POLR1E: variants seen among roughly 807,000 people sequenced by gnomAD.
The protein encoded by POLR1E is RNA polymerase I subunit E.
Under a neutral mutation model 50.9 loss-of-function variants are expected in POLR1E, and 37 were observed. The ratio of observed to expected loss-of-function variants is 0.73; its 90% CI spans 0.56 to 0.96. The LOEUF is 0.96. POLR1E is among the 40% of genes least tolerant of loss of function. The pLI is 0.00. For synonymous variants in POLR1E, 166 were observed against 191.6 expected (o/e 0.87, Z 1.10); for missense variants, 426 against 518.1 (o/e 0.82, Z 1.73).
intron 10 of POLR1E, 28 bp downstream of exon 10, chr9:37,500,949 T>C (rs1588807676): frequency 2.5e-6 from 4 of 1,581,774 alleles, no homozygotes; most frequent in Non-Finnish European, 3.5e-6. Context: ...GGGATTTTTC[T>C]TGTGCAGGAG....
chr9:37,491,466 ATT>A (rs35743467), intron 4 of POLR1E, among the ~76,000 whole-genome samples: 31,614 of 145,536 alleles, frequency 0.22, 3,357 homozygotes, highest in Admixed American at 0.26. Flanking sequence ...TTTATACATA[ATT>A]TTTTTTTTTT....
Position 37,500,823 on chromosome 9 carries a change from T to C in POLR1E, c.887-17T>C, listed in dbSNP as rs1295247215. On this transcript the variant is annotated splice_polypyrimidine_tract_variant and intron_variant, in intron 9 of 11. Transcript: ENST00000377798. The stretch of plus-strand genomic sequence containing the variant: ...GGGTTTTGAGAGAAAATGATCAAAC[T>C]CAACTTTGTGTTGTAGGTGCTCTGG... 2.5e-6 allele frequency: 4 copies of C among 1,600,082 alleles called. No individual in the cohort carries two copies. The African/African-American group carries it at 5.4e-5, about 21-fold the overall frequency.
intron 9 of POLR1E, among the ~76,000 whole-genome samples, chr9:37,498,744 C>T (rs578061696): frequency 6.6e-6 from 1 of 152,280 alleles, no homozygotes; most frequent in Non-Finnish European, 1.5e-5. Context: ...GGGTCACACC[C>T]TCATACCTAC....
chr9:37,502,998 C>G lies in POLR1E; in HGVS notation c.1101-45C>G, dbSNP rs370506168. The G allele has an allele frequency of 1.7e-5, 27 of 1,551,352 alleles. No individual in the cohort carries two copies. The African/African-American group carries it at 2.9e-4, about 17-fold the overall frequency. On this transcript the variant is annotated intron_variant, in intron 11 of 11. Transcript: ENST00000377798. ...CTTTTGCCAAACCTCCCTGAACAGT[C>G]ATGTTGAGGGGTCTCTCCAGTTCTT... is the stretch of plus-strand genomic sequence containing the variant.
chr9:37,492,581 G>A, intron 4 of POLR1E, 76 bp from the exon 5 acceptor site: 1 of 1,329,220 alleles, frequency 7.5e-7, no homozygotes. Flanking sequence ...ATAGACAAAT[G>A]AATATTAAAC....
chr9:37,492,356 A>T (rs1234994880), intron 4 of POLR1E: 50 of 1,266,548 alleles, frequency 3.9e-5, no homozygotes, highest in Non-Finnish European at 4.9e-5. Context: ...CTCTGCCACT[A>T]CCTGGTGAAC....
chr9:37,502,599 C>T (rs747492315), intron 11 of POLR1E, among the ~76,000 whole-genome samples: 7 of 152,212 alleles, frequency 4.6e-5, no homozygotes, highest in Non-Finnish European at 1.0e-4. Context: ...AGCCTGTGAA[C>T]ACACCTCTGT....
intron 4 of POLR1E, chr9:37,490,824 C>G (rs1820670130): frequency 5.1e-6 from 3 of 591,556 alleles, no homozygotes; most frequent in Non-Finnish European, 9.7e-6. Context: ...AAAGGAACAA[C>G]TCCATGTTTT....
intron 9 of POLR1E, 51 bp from the exon 10 acceptor site, chr9:37,500,789 G>A (rs778300143): frequency 1.4e-6 from 2 of 1,452,434 alleles, no homozygotes; most frequent in Admixed American, 3.4e-5. Context: ...TGGTTGAGGT[G>A]TGGCCTGAGG....
intron 5 of POLR1E, 21 bp downstream of exon 5, chr9:37,492,736 A>T (rs1189708157): frequency 1.2e-6 from 2 of 1,611,028 alleles, no homozygotes; most frequent in African/African-American, 1.3e-5. Flanking sequence ...TAGAATTAAG[A>T]TGTGGGACCT....
At position 37,503,200 on chromosome 9, in the gene POLR1E, T is replaced by C. The variant is rs1474388440; in HGVS notation, c.1258T>C (p.Ter420GlnextTer28). The C allele has an allele frequency of 1.2e-6, 2 of 1,604,914 alleles. No individual in the cohort carries two copies. Among genetic ancestry groups the C allele is most frequent in the South Asian group, 1.1e-5 (1 of 89,920 alleles). ...CCTGGCAAAGCGGAGGAAGATTACCTAGACGCATGCTTTCCAGACAGGGCG... is the reference window on the plus strand; with the variant it reads ...CCTGGCAAAGCGGAGGAAGATTACCCAGACGCATGCTTTCCAGACAGGGCG... ...DRLAKRRKIT* is the reference protein window; with the variant it reads ...DRLAKRRKITQ The change falls in exon 12 of 12, where the codon TAG becomes CAG. Residue 420 changes from the stop codon to glutamine (Q), a stop_lost. Coordinates refer to ENST00000377798, the MANE Select transcript of POLR1E (RefSeq NM_022490.4).
intron 7 of POLR1E, 92 bp downstream of exon 7, chr9:37,495,368 C>A: frequency 9.5e-7 from 1 of 1,049,128 alleles, no homozygotes; most frequent in Non-Finnish European, 1.5e-6. Context: ...TGTCTGTGTT[C>A]TGTGACATTC....
chr9:37,492,964 C>T (rs1386477876), intron 5 of POLR1E, among the ~76,000 whole-genome samples: 3 of 152,166 alleles, frequency 2.0e-5, no homozygotes, highest in African/African-American at 7.2e-5. Context: ...GTTCTCTGGG[C>T]TGATACAAGT....
chr9:37,495,015 C>G (rs113728511), intron 6 of POLR1E, among the ~76,000 whole-genome samples, 154 bp from the exon 7 acceptor site: 1 of 152,204 alleles, frequency 6.6e-6, no homozygotes, highest in Non-Finnish European at 1.5e-5. Context: ...AGTCCTGAAG[C>G]AGTCAGCCTG....
rs768536516 is a variant in POLR1E at position 37,500,824 on chromosome 9, C to T, written c.887-16C>T. 5.6e-6 allele frequency: 9 copies of T among 1,601,332 alleles called. No homozygotes were observed. In the African/African-American group the frequency reaches 8.0e-5, roughly 14 times the overall value. ...GGTTTTGAGAGAAAATGATCAAACTCAACTTTGTGTTGTAGGTGCTCTGGG... is the reference window on the plus strand; with the variant it reads ...GGTTTTGAGAGAAAATGATCAAACTTAACTTTGTGTTGTAGGTGCTCTGGG... On this transcript the variant is annotated splice_polypyrimidine_tract_variant and intron_variant, in intron 9 of 11. Transcript: ENST00000377798.
Position 37,498,183 on chromosome 9 carries a change from C to A in POLR1E, c.845C>A (p.Thr282Asn), listed in dbSNP as rs1213666546. The change falls in exon 9 of 12, where the codon ACC becomes AAC. Residue 282 changes from threonine (T) to asparagine (N), a missense_variant. Transcript: ENST00000377798. Reference sequence around the variant, plus strand: ...GCCCGATGCATATGGTTTCTGGATACCCTCATCAAATTTCGAGCTCATAGG... The same window carrying A: ...GCCCGATGCATATGGTTTCTGGATAACCTCATCAAATTTCGAGCTCATAGG... The part of the protein sequence containing the change: ...RQARCIWFLD[T>N]LIKFRAHRVV... The A allele has an allele frequency of 1.1e-5, 17 of 1,613,922 alleles. No individual in the cohort carries two copies. Among genetic ancestry groups the A allele is most frequent in the Non-Finnish European group, 1.4e-5 (17 of 1,179,882 alleles).
intron 2 of POLR1E, 70 bp from the exon 3 acceptor site, chr9:37,487,793 G>C (rs1820605220): frequency 6.9e-7 from 1 of 1,457,558 alleles, no homozygotes; most frequent in African/African-American, 1.4e-5. Flanking sequence ...AGCAAATGTA[G>C]AAAAGAGAAA....
At chr9:37,498,252 A>G (rs564495058) in intron 9 of POLR1E, 28 bp downstream of exon 9, 4 of 1,593,370 alleles carry the variant, frequency 2.5e-6, no homozygotes, top group Non-Finnish European at 3.4e-6. Flanking sequence ...ATTTTATTCT[A>G]ATTGTTTCCA....
rs139056186 is a variant in POLR1E, at chr9:37,492,656, G to C, written c.344-1G>C. 6.8e-6 allele frequency: 11 copies of C among 1,613,756 alleles called. No homozygotes were observed. The African/African-American group carries it at 1.1e-4, about 16-fold the overall frequency. On this transcript the variant is annotated splice_acceptor_variant, in intron 4 of 11. Transcript: ENST00000377798. LOFTEE classifies it high-confidence loss of function. ...CTCTCTGTTTTTGTGTGTTTTGATA[G>C]ATGTATCAGTTGAGAGTGAACTGGC...
Sources: gnomAD v4.1 joint callset for allele counts (sites outside exome capture counted in the v4.1 genomes callset) on GRCh38, gnomAD v4.1.1 for gene constraint, MANE v1.5 for transcripts, NCBI Gene and HGNC (gene_info 2026-07-23, HGNC 2026-07-21) for gene names.